Variants in PHC2 observed in about 807,000 individuals in gnomAD.
The protein encoded by PHC2 is polyhomeotic-like protein 2.
In PHC2, 29 loss-of-function variants were observed where a neutral mutation model predicts 87.4. The observed-to-expected ratio is 0.33, with a 90% confidence interval of 0.25 to 0.45. PHC2 has a LOEUF of 0.45. Among genes scored for constraint, PHC2 ranks in the 20% least tolerant of loss-of-function variants. The pLI is 1.00. For missense variants in PHC2, 857 were observed against 1,136.7 expected, an observed-to-expected ratio of 0.75 and a Z score of 3.54; for synonymous variants, 438 against 461.7, an observed-to-expected ratio of 0.95 and a Z score of 0.66.
At chr1:33,325,894 G>A (rs1426572298) in intron 14 of PHC2, 1 of 456,570 alleles carries the variant, frequency 2.2e-6, no homozygotes. Context: ...GAAAGCGTGA[G>A]TGTCTAAGGT....
chr1:33,420,385 G>A (rs988751898), intron 1 of PHC2, among the ~76,000 whole-genome samples: 4 of 152,108 alleles, frequency 2.6e-5, no homozygotes, highest in East Asian at 1.9e-4. Context: ...TACTAAGGTC[G>A]CTAGTAAGAA....
At chr1:33,370,313 C>T in intron 5 of PHC2, 108 bp downstream of exon 5, 1 of 1,094,992 alleles carries the variant, frequency 9.1e-7, no homozygotes, top group South Asian at 1.5e-5. Context: ...ATCTCCTGCC[C>T]CTGCCCCTAG....
At chr1:33,376,648 A>C (rs1047392400) in intron 1 of PHC2, among the ~76,000 whole-genome samples, 1 of 152,184 alleles carries the variant, frequency 6.6e-6, no homozygotes, top group Non-Finnish European at 1.5e-5. Context: ...TCTACAGAGA[A>C]GGCCGGGTGC....
In PHC2 at chr1:33,340,337, C is replaced by A. The variant is rs182718601; in HGVS notation, c.1559-6045G>T. 5.3e-5 allele frequency among the ~76,000 whole-genome samples: 8 copies of A among 152,352 alleles called. 1 individual carries two copies. The highest frequency in any genetic ancestry group is 1.7e-4 in the African/African-American group (7 of 41,576). ...CTCCAAGCCCCCAGCACTGAAGTCA[C>A]GCTCACTGTGCTGCAGTTCAGCAGG... On this transcript the variant is annotated intron_variant, in intron 9 of 14. Coordinates refer to ENST00000683057, the MANE Select transcript of PHC2 (RefSeq NM_001385109.1).
At chr1:33,400,183 T>C (rs1459469170) in intron 1 of PHC2, among the ~76,000 whole-genome samples, 3 of 152,186 alleles carry the variant, frequency 2.0e-5, no homozygotes, top group African/African-American at 7.2e-5. Context: ...TCTTATACAA[T>C]TGGTAAGAAT....
intron 9 of PHC2, among the ~76,000 whole-genome samples, chr1:33,340,631 G>A (rs1382293802): frequency 6.6e-6 from 1 of 152,180 alleles, no homozygotes; most frequent in Non-Finnish European, 1.5e-5. Flanking sequence ...TAATGCCACT[G>A]AAAGTGAGGA....
chr1:33,352,160 G>T (rs555266302), intron 9 of PHC2, among the ~76,000 whole-genome samples: 23 of 152,208 alleles, frequency 1.5e-4, no homozygotes, highest in African/African-American at 5.5e-4. Flanking sequence ...TTCATTTAGG[G>T]GTTTCTGGAT....
At chr1:33,341,581 A>AAT (rs1318162473) in intron 9 of PHC2, among the ~76,000 whole-genome samples, 1 of 152,216 alleles carries the variant, frequency 6.6e-6, no homozygotes, top group African/African-American at 2.4e-5. Context: ...AACAGCACAT[A>AAT]ATATATACCT....
chr1:33,353,067 A>G (rs974063036), intron 9 of PHC2: 1 of 152,218 alleles, frequency 6.6e-6, no homozygotes, highest in African/African-American at 2.4e-5. Flanking sequence ...AGCTGTTTAT[A>G]TTTGGAATTA....
chr1:33,352,153 A>G (rs1646986425), intron 9 of PHC2, among the ~76,000 whole-genome samples: 1 of 152,192 alleles, frequency 6.6e-6, no homozygotes, highest in Non-Finnish European at 1.5e-5. Context: ...ATGTCAGTTC[A>G]TTTAGGGGTT....
chr1:33,340,025 T>G (rs191651948), intron 9 of PHC2, among the ~76,000 whole-genome samples: 1 of 152,320 alleles, frequency 6.6e-6, no homozygotes, highest in East Asian at 1.9e-4. Flanking sequence ...GACCCTAAGA[T>G]AGCCTGAAGA....
At chr1:33,392,388 G>A (rs553667982) in intron 1 of PHC2, among the ~76,000 whole-genome samples, 8 of 152,148 alleles carry the variant, frequency 5.3e-5, no homozygotes, top group Middle Eastern at 3.4e-3. Context: ...ATTCACATGC[G>A]CGTTCTCACG....
Position 33,417,866 on chromosome 1 carries a change from T to C in PHC2, c.-55+13110A>G, listed in dbSNP as rs140625001. On this transcript the variant is annotated intron_variant, in intron 1 of 14. Transcript: ENST00000683057. ...CTCAATAAATTTAAGAGAACTGAAA[T>C]CATATAAAGCATATTCTCTAAGCAT... 3.3e-5 allele frequency among the ~76,000 whole-genome samples: 5 copies of C among 152,174 alleles called. No individual in the cohort carries two copies. The East Asian group carries it at 9.7e-4, about 29-fold the overall frequency.
In PHC2 at chr1:33,368,719, C is replaced by T. The variant is rs1647635921; in HGVS notation, c.577-97G>A. 4.7e-6 allele frequency: 4 copies of T among 858,318 alleles called. No homozygotes were observed. Among genetic ancestry groups the T allele is most frequent in the Non-Finnish European group, 7.7e-6 (4 of 518,966 alleles). 53.2% of individuals were successfully genotyped at this position (858,318 alleles called of 1,614,324 possible). The stretch of plus-strand genomic sequence containing the variant: ...ATCACAGGAAACGAGGCGCCTTTTA[C>T]CTGCTCGATGTGGACTCAGCCACAG... On this transcript the variant is annotated intron_variant, in intron 5 of 14. Coordinates refer to ENST00000683057, the MANE Select transcript of PHC2 (RefSeq NM_001385109.1). This position sits in a 1 kb window ranked among gnomAD's most constrained non-coding sequence, Gnocchi z 6.6.
intron 9 of PHC2, chr1:33,335,155 A>G (rs1217479810): frequency 5.1e-6 from 5 of 982,430 alleles, no homozygotes; most frequent in Non-Finnish European, 6.0e-6. Flanking sequence ...CCAGAAAGTG[A>G]GATTACATGC....
intron 1 of PHC2, among the ~76,000 whole-genome samples, chr1:33,399,731 G>A (rs1463598747): frequency 6.6e-6 from 1 of 152,100 alleles, no homozygotes; most frequent in African/African-American, 2.4e-5. Flanking sequence ...GAGGGACAGG[G>A]AACAAGTGGA....
At chr1:33,420,986 G>A (rs777376154) in intron 1 of PHC2, among the ~76,000 whole-genome samples, 51 of 152,190 alleles carry the variant, frequency 3.4e-4, no homozygotes, top group Admixed American at 9.8e-4. Context: ...GAGTAGCTGT[G>A]AGGATTAAAT....
At chr1:33,394,940 T>C (rs1649234291) in intron 1 of PHC2, among the ~76,000 whole-genome samples, 1 of 152,156 alleles carries the variant, frequency 6.6e-6, no homozygotes, top group Admixed American at 6.5e-5. Context: ...CAATTTCTTA[T>C]AAAACTAAAC....
At chr1:33,348,717 G>C (rs1646893471) in intron 9 of PHC2, among the ~76,000 whole-genome samples, 1 of 152,214 alleles carries the variant, frequency 6.6e-6, no homozygotes, top group Non-Finnish European at 1.5e-5. Context: ...GGCTGTCATT[G>C]ATTTGTAAGG....
Sources: allele counts gnomAD v4.1 joint callset (sites outside exome capture counted in the v4.1 genomes callset), GRCh38; gene constraint gnomAD v4.1.1; non-coding constraint Gnocchi (gnomAD v3.1); transcripts MANE v1.5; gene names NCBI Gene and HGNC (gene_info 2026-07-23, HGNC 2026-07-21).